Variants in RAB1A observed in about 807,000 individuals in gnomAD.
RAB1A encodes RAB1A, member RAS oncogene family.
A neutral mutation model predicts 26.0 loss-of-function variants in RAB1A; 2 were observed. That is an observed-to-expected ratio of 0.08 (90% CI 0.03 to 0.24). The LOEUF (loss-of-function observed/expected upper bound fraction) is 0.24, where lower values mean the gene tolerates loss of function less well. Ranked by LOEUF, RAB1A falls within the 10% of genes least tolerant of loss-of-function variation. The pLI is 1.00. For missense variants in RAB1A, 100 were observed against 247.0 expected, an observed-to-expected ratio of 0.40 and a Z score of 3.99; for synonymous variants, 84 against 84.9, an observed-to-expected ratio of 0.99 and a Z score of 0.06.
intron 2 of RAB1A, among the ~76,000 whole-genome samples, chr2:65,102,613 C>G (rs139080634): frequency 3.6e-4 from 50 of 138,576 alleles, no homozygotes; most frequent in African/African-American, 1.2e-3. Context: ...TGTCTGTTAG[C>G]TGTTCTTTCA....
At chr2:65,091,357 G>A (rs1001447730) in intron 3 of RAB1A, among the ~76,000 whole-genome samples, 6 of 152,092 alleles carry the variant, frequency 3.9e-5, no homozygotes, top group African/African-American at 1.2e-4. Flanking sequence ...ATTCCCTACC[G>A]CCTTTAACAC....
intron 2 of RAB1A, among the ~76,000 whole-genome samples, 176 bp from the exon 3 acceptor site, chr2:65,098,242 A>G (rs1669335781): frequency 6.6e-6 from 1 of 152,156 alleles, no homozygotes; most frequent in South Asian, 2.1e-4. Context: ...CAGCCACTCC[A>G]TCCACTTTCA....
At chr2:65,110,988 A>T (rs1669681362) in intron 1 of RAB1A, among the ~76,000 whole-genome samples, 1 of 152,164 alleles carries the variant, frequency 6.6e-6, no homozygotes, top group Non-Finnish European at 1.5e-5. Flanking sequence ...GCTGCAAGGA[A>T]GATTTACTGG....
rs912446206 is a variant in RAB1A, at chr2:65,114,919, A to C, written c.24-10113T>G. ...CCTAATGAGAGGTGATTAGGTCACA[A>C]GGGCTCTGCCCTCATGAATGGATTA... On this transcript the variant is annotated intron_variant, in intron 1 of 5. Coordinates refer to ENST00000409784, the MANE Select transcript of RAB1A (RefSeq NM_004161.5). Among the ~76,000 whole-genome samples the C allele has an allele frequency of 5.9e-5, 9 of 152,186 alleles. No homozygotes were observed. In the South Asian group the frequency reaches 1.2e-3, roughly 21 times the overall value.
intron 1 of RAB1A, among the ~76,000 whole-genome samples, chr2:65,120,495 G>A (rs1375798499): frequency 6.7e-6 from 1 of 150,284 alleles, no homozygotes; most frequent in Admixed American, 6.6e-5. Flanking sequence ...AATGAGTTTG[G>A]GATACCAGAT....
At chr2:65,089,124 T>A (rs1268827113) in intron 4 of RAB1A, 54 bp from the exon 5 acceptor site, 1 of 1,488,044 alleles carries the variant, frequency 6.7e-7, no homozygotes, top group African/African-American at 1.4e-5. Flanking sequence ...AGTTCTGGAA[T>A]AAACAGAAAC....
chr2:65,110,743 G>A (rs768708474), intron 1 of RAB1A, among the ~76,000 whole-genome samples: 1 of 151,962 alleles, frequency 6.6e-6, no homozygotes, highest in Non-Finnish European at 1.5e-5. Context: ...AGACCAGCCT[G>A]AGCAACATAG....
At chr2:65,092,590 A>G (rs776880752) in intron 3 of RAB1A, among the ~76,000 whole-genome samples, 15 of 152,210 alleles carry the variant, frequency 9.9e-5, no homozygotes, top group Non-Finnish European at 1.9e-4. Context: ...TTTTTTGACT[A>G]AAAGTCAACA....
chr2:65,118,531 G>A (rs766175315), intron 1 of RAB1A, among the ~76,000 whole-genome samples: 9 of 152,180 alleles, frequency 5.9e-5, no homozygotes, highest in Non-Finnish European at 1.0e-4. Flanking sequence ...AGGCTGAAGT[G>A]CAGTAGCACA....
chr2:65,125,050 C>CAAAAAA (rs66712908), intron 1 of RAB1A, among the ~76,000 whole-genome samples: 1 of 130,206 alleles, frequency 7.7e-6, no homozygotes, highest in African/African-American at 2.8e-5. Flanking sequence ...ACAATGCAAG[C>CAAAAAA]AAAAAAAAAA....
chr2:65,104,583 C>A, intron 2 of RAB1A, 151 bp downstream of exon 2: 1 of 620,578 alleles, frequency 1.6e-6, no homozygotes, highest in Non-Finnish European at 2.8e-6. Context: ...GTCCAAGATA[C>A]CACTGGGGAT....
Position 65,130,051 on chromosome 2 carries a change from TC to T in RAB1A, c.-137del. The stretch of plus-strand genomic sequence containing the variant: ...AGAGCAAACGTCTTCCCCTACTCCG[TC>T]CCCTAGAACACAATCAGCAGCCGCC... On this transcript the variant is annotated 5_prime_UTR_variant, in exon 1 of 6. Transcript: ENST00000409784. 1.0e-6 allele frequency: 1 copy of T among 987,992 alleles called. No individual in the cohort carries two copies. The highest frequency in any genetic ancestry group is 1.5e-6 in the Non-Finnish European group (1 of 645,516). 61.2% of individuals were successfully genotyped at this position (987,992 alleles called of 1,614,324 possible). A position where few individuals can be genotyped will look rare whatever the true frequency, so the allele number is the denominator to read the frequency against.
intron 3 of RAB1A, among the ~76,000 whole-genome samples, 170 bp downstream of exon 3, chr2:65,097,801 A>G (rs1386345936): frequency 6.6e-6 from 1 of 152,214 alleles, no homozygotes; most frequent in African/African-American, 2.4e-5. Context: ...TAATCTTGAA[A>G]ATATTATTTT....
At chr2:65,107,525 C>CACA (rs1669589640) in intron 1 of RAB1A, among the ~76,000 whole-genome samples, 1 of 150,130 alleles carries the variant, frequency 6.7e-6, no homozygotes, top group South Asian at 2.1e-4. Flanking sequence ...CTCACTCTGT[C>CACA]GCCCAGGCTG....
chr2:65,103,458 G>A (rs1018024395), intron 2 of RAB1A, among the ~76,000 whole-genome samples: 2 of 152,080 alleles, frequency 1.3e-5, no homozygotes, highest in African/African-American at 4.8e-5. Context: ...TTTTGTTCCT[G>A]TGAGGGCACA....
intron 3 of RAB1A, among the ~76,000 whole-genome samples, chr2:65,094,521 T>C (rs1187808491): frequency 6.7e-6 from 1 of 148,682 alleles, no homozygotes; most frequent in African/African-American, 2.5e-5. Flanking sequence ...GAGGCGGAGG[T>C]TGCAGTGAGC....
At chr2:65,119,539 C>T (rs1342055489) in intron 1 of RAB1A, among the ~76,000 whole-genome samples, 45 of 146,216 alleles carry the variant, frequency 3.1e-4, no homozygotes, top group African/African-American at 1.2e-3. Context: ...CCAGCCTGGG[C>T]GACAGAGCTA....
In RAB1A at chr2:65,113,236, G is replaced by A. The variant is rs1166489612; in HGVS notation, c.24-8430C>T. Among the ~76,000 whole-genome samples the A allele has an allele frequency of 2.6e-5, 4 of 152,166 alleles. No homozygotes were observed. The East Asian group carries it at 5.8e-4, about 22-fold the overall frequency. ...TTCAATTTCCATTATTTGTTTGCGT[G>A]CAAAAATGGCATCGGTACATATATG... On this transcript the variant is annotated intron_variant, in intron 1 of 5. Transcript: ENST00000409784.
chr2:65,110,040 C>A (rs1573079869), intron 1 of RAB1A, among the ~76,000 whole-genome samples: 1 of 152,146 alleles, frequency 6.6e-6, no homozygotes, highest in Admixed American at 6.6e-5. Context: ...TTTAATCAGG[C>A]CTCTTTCGTT....
Sources: allele counts gnomAD v4.1 joint callset (sites outside exome capture counted in the v4.1 genomes callset), GRCh38; gene constraint gnomAD v4.1.1; transcripts MANE v1.5; gene names NCBI Gene and HGNC (gene_info 2026-07-23, HGNC 2026-07-21).